The following UNC13C variants were observed in gnomAD, a reference collection of about 807,000 sequenced individuals.
The protein encoded by UNC13C is unc-13 homolog C.
A neutral mutation model predicts 245.4 loss-of-function variants in UNC13C; 174 were observed. The ratio of observed to expected loss-of-function variants is 0.71; its 90% confidence interval spans 0.63 to 0.80. The LOEUF is 0.80. Among genes scored for constraint, UNC13C ranks in the 30% least tolerant of loss-of-function variants. The pLI, the probability that UNC13C is intolerant of heterozygous loss-of-function variation, is 0.00. For synonymous variants in UNC13C, 992 were observed against 895.1 expected, an observed-to-expected ratio of 1.11 and a Z score of -1.93; for missense variants, 2,829 against 2,602.9, an observed-to-expected ratio of 1.09 and a Z score of -1.89.
At chr15:54,479,793 C>G (rs78208816) in intron 19 of UNC13C, among the ~76,000 whole-genome samples, 1 of 151,794 alleles carries the variant, frequency 6.6e-6, no homozygotes, top group Non-Finnish European at 1.5e-5. Flanking sequence ...ATCATCTTTT[C>G]ACTTCCAAAT....
the UNC13C span, among the ~76,000 whole-genome samples, chr15:53,955,381 T>TA: frequency 3.4e-4 from 52 of 151,800 alleles, no homozygotes; most frequent in Middle Eastern, 3.4e-3. Context: ...AATTAAGAAA[T>TA]AAAAAATTAT....
At chr15:54,301,153 A>G (rs1382012785) in intron 13 of UNC13C, among the ~76,000 whole-genome samples, 2 of 152,138 alleles carry the variant, frequency 1.3e-5, no homozygotes, top group Non-Finnish European at 2.9e-5. Context: ...TATTTATATT[A>G]GATGACTTTT....
At chr15:53,902,669 G>T in the UNC13C span, among the ~76,000 whole-genome samples, 1 of 152,082 alleles carries the variant, frequency 6.6e-6, no homozygotes, top group African/African-American at 2.4e-5. Flanking sequence ...GCATAAGGGG[G>T]TATATAATTC....
At chr15:54,072,981 A>T (rs1030690556) in intron 2 of UNC13C, among the ~76,000 whole-genome samples, 2 of 152,060 alleles carry the variant, frequency 1.3e-5, no homozygotes, top group African/African-American at 4.8e-5. Flanking sequence ...TGCTGCACCC[A>T]TTAACGCATC....
intron 2 of UNC13C, among the ~76,000 whole-genome samples, chr15:54,070,107 G>T (rs1898250785): frequency 6.6e-6 from 1 of 152,244 alleles, no homozygotes. Context: ...CTACTGGGGC[G>T]ATTTTACCAC....
intron 19 of UNC13C, among the ~76,000 whole-genome samples, chr15:54,437,578 C>A (rs2140985110): frequency 6.6e-6 from 1 of 151,974 alleles, no homozygotes; most frequent in African/African-American, 2.4e-5. Flanking sequence ...AGTCACGCCA[C>A]AAAGTTTAAT....
At chr15:54,098,471 G>T (rs1482789538) in intron 2 of UNC13C, among the ~76,000 whole-genome samples, 2 of 152,060 alleles carry the variant, frequency 1.3e-5, no homozygotes, top group African/African-American at 4.8e-5. Flanking sequence ...TACCCTATCC[G>T]GCCCCTCCAT....
At chr15:54,220,591 T>C (rs2140780945) in intron 4 of UNC13C, among the ~76,000 whole-genome samples, 1 of 148,078 alleles carries the variant, frequency 6.8e-6, no homozygotes, top group East Asian at 1.9e-4. Flanking sequence ...AAACTTAAAG[T>C]ATAATAATAA....
intron 4 of UNC13C, among the ~76,000 whole-genome samples, chr15:54,205,155 T>C (rs1411682071): frequency 2.6e-5 from 4 of 151,962 alleles, no homozygotes; most frequent in Non-Finnish European, 1.5e-5. Context: ...AATCATATCT[T>C]GGGTCAGGGA....
the UNC13C span, among the ~76,000 whole-genome samples, chr15:53,920,730 C>G: frequency 2.0e-5 from 3 of 151,542 alleles, no homozygotes; most frequent in Non-Finnish European, 4.4e-5. Context: ...ATAAGAGAAC[C>G]ATTTATTTTC....
At position 54,622,276 on chromosome 15, in the gene UNC13C, A is replaced by C. The variant is rs546764609; in HGVS notation, c.6107-51A>C. On this transcript the variant is annotated intron_variant, in intron 30 of 32. Coordinates refer to ENST00000260323, the MANE Select transcript of UNC13C (RefSeq NM_001080534.3). ...TTTTATGCATAGAATGAAATTGTCC[A>C]TTATTAATGAGTCTGAAAGCTCAGG... The C allele has an allele frequency of 1.3e-4, 164 of 1,230,508 alleles. 1 individual carries two copies. In the South Asian group the frequency reaches 1.9e-3, roughly 14 times the overall value. 76.2% of individuals were successfully genotyped at this position (1,230,508 alleles called of 1,614,324 possible). A position where few individuals can be genotyped will look rare whatever the true frequency, so the allele number is the denominator to read the frequency against.
chr15:53,846,403 C>T, the UNC13C span, among the ~76,000 whole-genome samples: 4 of 152,120 alleles, frequency 2.6e-5, no homozygotes, highest in African/African-American at 7.2e-5. Flanking sequence ...CACTTTACAT[C>T]GTTTTTATGA....
chr15:53,970,517 A>G, the UNC13C span, among the ~76,000 whole-genome samples: 59,621 of 152,146 alleles, frequency 0.39, 12,288 homozygotes, highest in Admixed American at 0.51. Flanking sequence ...ATGCAAATAC[A>G]TCTTTGAGAT....
intron 2 of UNC13C, among the ~76,000 whole-genome samples, chr15:54,089,011 A>G (rs189831220): frequency 5.9e-5 from 9 of 152,254 alleles, no homozygotes; most frequent in Non-Finnish European, 1.3e-4. Flanking sequence ...TGGCAATGTC[A>G]TAGTCCTGTC....
At chr15:54,307,908 A>G (rs1316324234) in intron 13 of UNC13C, among the ~76,000 whole-genome samples, 1 of 151,972 alleles carries the variant, frequency 6.6e-6, no homozygotes, top group African/African-American at 2.4e-5. Flanking sequence ...CTTATCACTG[A>G]TAAGTTAGAA....
intron 25 of UNC13C, 71 bp from the exon 26 acceptor site, chr15:54,532,846 C>T (rs1895817740): frequency 9.7e-7 from 1 of 1,029,982 alleles, no homozygotes; most frequent in Non-Finnish European, 1.4e-6. Context: ...TCAAAATCCT[C>T]AGGGTGAAAT....
At chr15:54,624,726 A>G (rs1239552359) in intron 32 of UNC13C, among the ~76,000 whole-genome samples, 2 of 152,176 alleles carry the variant, frequency 1.3e-5, no homozygotes, top group African/African-American at 4.8e-5. Flanking sequence ...AGGGAGATAG[A>G]TGGAGAAGAT....
At chr15:54,579,957 A>C (rs1898130269) in intron 30 of UNC13C, among the ~76,000 whole-genome samples, 1 of 152,196 alleles carries the variant, frequency 6.6e-6, no homozygotes, top group Non-Finnish European at 1.5e-5. Context: ...ATACTTTTTA[A>C]TATTTTTGTT....
At chr15:53,983,162 A>G (rs969880785) in intron 1 of UNC13C, among the ~76,000 whole-genome samples, 1 of 152,154 alleles carries the variant, frequency 6.6e-6, no homozygotes, top group Non-Finnish European at 1.5e-5. Flanking sequence ...CTACTTCGTT[A>G]ACAAGAAACA....
Sources: allele counts gnomAD v4.1 joint callset (sites outside exome capture counted in the v4.1 genomes callset), GRCh38; gene constraint gnomAD v4.1.1; transcripts MANE v1.5; gene names NCBI Gene and HGNC (gene_info 2026-07-23, HGNC 2026-07-21).